The following MIPEP variants were observed in gnomAD, a reference collection of about 807,000 sequenced individuals.
MIPEP encodes the protein mitochondrial intermediate peptidase.
MIPEP carries 79 observed loss-of-function variants against 90.3 expected under a neutral mutation model. The observed-to-expected ratio is 0.87, with a 90% CI of 0.73 to 1.05. The LOEUF is 1.05. Ranked by LOEUF, MIPEP falls within the 50% of genes least tolerant of loss-of-function variation. The pLI, the probability that MIPEP is intolerant of heterozygous loss-of-function variation, is 0.00. For synonymous variants in MIPEP, 334 were observed against 315.8 expected, an observed-to-expected ratio of 1.06 and a Z score of -0.61; for missense variants, 940 against 905.6, an observed-to-expected ratio of 1.04 and a Z score of -0.49.
intron 17 of MIPEP, among the ~76,000 whole-genome samples, chr13:23,758,206 A>T (rs1027844309): frequency 1.3e-5 from 2 of 151,994 alleles, no homozygotes; most frequent in African/African-American, 2.4e-5. Context: ...CAGCCATGGG[A>T]TGTAGTGCCC....
At chr13:23,756,123 T>C (rs1050116218) in intron 18 of MIPEP, among the ~76,000 whole-genome samples, 2 of 152,212 alleles carry the variant, frequency 1.3e-5, no homozygotes, top group African/African-American at 2.4e-5. Context: ...TAGAACACAA[T>C]GCACAGCTAA....
intron 14 of MIPEP, among the ~76,000 whole-genome samples, chr13:23,822,888 G>A (rs539866605): frequency 2.0e-4 from 30 of 151,382 alleles, no homozygotes; most frequent in Admixed American, 9.9e-4. Context: ...GCATCTGGGC[G>A]CTTCTTTTTT....
intron 18 of MIPEP, among the ~76,000 whole-genome samples, chr13:23,746,733 TGA>T (rs1952388468): frequency 6.6e-6 from 1 of 152,012 alleles, no homozygotes; most frequent in South Asian, 2.1e-4. Flanking sequence ...CTCAAAGCAC[TGA>T]GAGAACGTTA....
At chr13:23,792,954 C>T (rs1464598599) in intron 16 of MIPEP, among the ~76,000 whole-genome samples, 1 of 152,184 alleles carries the variant, frequency 6.6e-6, no homozygotes, top group Admixed American at 6.5e-5. Flanking sequence ...GGATTGATTA[C>T]ATCCTTTTAA....
chr13:23,839,584 T>C (rs1290268670), intron 12 of MIPEP, 65 bp downstream of exon 12: 2 of 1,044,058 alleles, frequency 1.9e-6, no homozygotes, highest in Non-Finnish European at 1.4e-6. Flanking sequence ...TGATACAAAG[T>C]TCACATCAAT....
chr13:23,756,582 G>T lies in MIPEP; in HGVS notation c.2007C>A (p.Ala669=), dbSNP rs137904700. ...GCATGGGCTCCCTGCCTCCACCGTG[G>T]GCCAGCATCTCCCTGCGATAGCGCT... ...AGERYRREML[A]HGGGREPMLM... is the part of the protein sequence containing the mutation. The change falls in exon 18 of 19, where the codon GCC becomes GCA. Residue 669 remains alanine (A), a synonymous_variant. Coordinates refer to ENST00000382172, the MANE Select transcript of MIPEP (RefSeq NM_005932.4). 1.2e-6 allele frequency: 2 copies of T among 1,613,838 alleles called. No homozygotes were observed. The highest frequency in any genetic ancestry group is 1.1e-5 in the South Asian group (1 of 91,080).
intron 3 of MIPEP, among the ~76,000 whole-genome samples, 164 bp from the exon 4 acceptor site, chr13:23,879,518 CTTCT>C (rs1356096957): frequency 2.0e-5 from 3 of 151,736 alleles, no homozygotes; most frequent in East Asian, 3.9e-4. Flanking sequence ...CTTTCCTTCC[CTTCT>C]TTCTTTCTTT....
intron 16 of MIPEP, among the ~76,000 whole-genome samples, chr13:23,797,070 A>G (rs2137384368): frequency 6.6e-6 from 1 of 152,334 alleles, no homozygotes; most frequent in Middle Eastern, 3.4e-3. Context: ...AACTGAAAAG[A>G]AAATGTTAAA....
At chr13:23,747,883 G>A (rs1226950990) in intron 18 of MIPEP, among the ~76,000 whole-genome samples, 2 of 152,136 alleles carry the variant, frequency 1.3e-5, no homozygotes, top group Admixed American at 6.5e-5. Flanking sequence ...TGGGACTACC[G>A]GCGTATGCCA....
At chr13:23,782,733 A>G (rs1212903651) in intron 16 of MIPEP, among the ~76,000 whole-genome samples, 3 of 152,246 alleles carry the variant, frequency 2.0e-5, no homozygotes, top group African/African-American at 7.2e-5. Flanking sequence ...AAGAAAAGAG[A>G]GAAGAATCAA....
chr13:23,778,072 T>C (rs1952737203), intron 16 of MIPEP, among the ~76,000 whole-genome samples: 1 of 152,180 alleles, frequency 6.6e-6, no homozygotes, highest in African/African-American at 2.4e-5. Context: ...TTGGCTTAAG[T>C]GGGAAAAAGT....
chr13:23,746,633 C>CAA (rs34666099), intron 18 of MIPEP, among the ~76,000 whole-genome samples: 10,688 of 99,096 alleles, frequency 0.11, 719 homozygotes, highest in Non-Finnish European at 0.15. Flanking sequence ...GACTCCCTCT[C>CAA]AAAAAAAAAA....
chr13:23,817,840 T>C (rs1268699231), intron 14 of MIPEP, among the ~76,000 whole-genome samples: 1 of 152,164 alleles, frequency 6.6e-6, no homozygotes, highest in Non-Finnish European at 1.5e-5. Flanking sequence ...AAAGGATCAG[T>C]AAACATTCAG....
At chr13:23,870,952 A>C (rs1870776864) in intron 5 of MIPEP, among the ~76,000 whole-genome samples, 1 of 152,216 alleles carries the variant, frequency 6.6e-6, no homozygotes, top group Non-Finnish European at 1.5e-5. Context: ...CAGCAGGATC[A>C]CTTGAGCCCA....
intron 14 of MIPEP, among the ~76,000 whole-genome samples, chr13:23,811,638 C>T (rs1197216707): frequency 1.3e-5 from 2 of 152,214 alleles, no homozygotes; most frequent in South Asian, 2.1e-4. Flanking sequence ...AGACTTGTAA[C>T]TTCCCCAGCT....
At chr13:23,822,796 C>CT (rs752665011) in intron 14 of MIPEP, among the ~76,000 whole-genome samples, 235 of 145,694 alleles carry the variant, frequency 1.6e-3, no homozygotes, top group Middle Eastern at 3.5e-3. Context: ...AGAATTGCAA[C>CT]TTTTTTTTTT....
chr13:23,827,873 G>A (rs961323621), intron 14 of MIPEP, among the ~76,000 whole-genome samples: 1 of 152,214 alleles, frequency 6.6e-6, no homozygotes, highest in Admixed American at 6.5e-5. Flanking sequence ...GGAAGTTGCA[G>A]TGAGCAGAGA....
intron 14 of MIPEP, among the ~76,000 whole-genome samples, chr13:23,816,063 T>G (rs1034523164): frequency 2.6e-5 from 4 of 152,242 alleles, no homozygotes; most frequent in African/African-American, 9.6e-5. Context: ...TTTTCTGCCC[T>G]GGTTGCCTTT....
At chr13:23,884,809 C>T (rs1167303642) in intron 2 of MIPEP, among the ~76,000 whole-genome samples, 2 of 152,186 alleles carry the variant, frequency 1.3e-5, no homozygotes, top group African/African-American at 4.8e-5. Context: ...GCACACAGTA[C>T]GTGCTCAACA....
Sources: allele counts gnomAD v4.1 joint callset (sites outside exome capture counted in the v4.1 genomes callset), GRCh38; gene constraint gnomAD v4.1.1; transcripts MANE v1.5; gene names NCBI Gene and HGNC (gene_info 2026-07-23, HGNC 2026-07-21).